The following ROBO1 variants were observed in gnomAD, a reference collection of about 807,000 sequenced individuals.
The protein encoded by ROBO1 is roundabout guidance receptor 1.
ROBO1 carries 149 observed loss-of-function variants against 195.9 expected under a neutral mutation model. The observed-to-expected ratio is 0.76, with a 90% confidence interval of 0.67 to 0.87. ROBO1 has a LOEUF of 0.87. Ranked by LOEUF, ROBO1 falls within the 40% of genes least tolerant of loss-of-function variation. ROBO1 has a pLI of 0.00. For synonymous variants in ROBO1, 816 were observed against 733.2 expected (o/e 1.11, Z -1.82); for missense variants, 1,933 against 2,068.3 (o/e 0.93, Z 1.27).
chr3:78,873,292 C>T (rs1311990934), intron 4 of ROBO1, among the ~76,000 whole-genome samples: 2 of 152,134 alleles, frequency 1.3e-5, no homozygotes, highest in Non-Finnish European at 2.9e-5. Context: ...CATTGTGCCA[C>T]TGTACTTGGA....
At chr3:79,382,228 A>G (rs1161712505) in intron 2 of ROBO1, among the ~76,000 whole-genome samples, 1 of 152,174 alleles carries the variant, frequency 6.6e-6, no homozygotes, top group Non-Finnish European at 1.5e-5. Context: ...ACTCTCAAAA[A>G]TAAACTTTAT....
Position 79,023,771 on chromosome 3 carries a change from C to T in ROBO1, c.173-84844G>A, listed in dbSNP as rs976313507. On this transcript the variant is annotated intron_variant, in intron 3 of 30. Transcript: ENST00000464233. ...ACGCTTGAGTGCAGTGGTGCGATCT[C>T]GGCTCACTGCAACCTCCGCCTCCCA... 3.0e-5 allele frequency among the ~76,000 whole-genome samples: 4 copies of T among 131,468 alleles called. No individual in the cohort carries two copies. In the South Asian group the frequency reaches 1.0e-3, roughly 34 times the overall value. The allele number at this position is 131,468 out of a possible 152,430, so 86.2% of individuals were successfully genotyped here. A position where few individuals can be genotyped will look rare whatever the true frequency, so the allele number is the denominator to read the frequency against.
intron 3 of ROBO1, among the ~76,000 whole-genome samples, chr3:79,019,749 C>G (rs1016573706): frequency 2.0e-5 from 3 of 152,126 alleles, no homozygotes; most frequent in East Asian, 3.9e-4. Context: ...AATGGAACCT[C>G]CCAGCCAAAG....
chr3:78,886,247 C>T (rs1321475335), intron 4 of ROBO1, among the ~76,000 whole-genome samples: 2 of 151,882 alleles, frequency 1.3e-5, no homozygotes, highest in African/African-American at 4.8e-5. Flanking sequence ...TACTTCGAGG[C>T]TTCTTAACTC....
At chr3:78,761,751 A>G (rs183818428) in intron 4 of ROBO1, among the ~76,000 whole-genome samples, 198 of 152,252 alleles carry the variant, frequency 1.3e-3, no homozygotes, top group African/African-American at 4.5e-3. Flanking sequence ...ATGCAAAATA[A>G]CTGGTTATTG....
chr3:78,678,236 T>C (rs1708561367), intron 10 of ROBO1, among the ~76,000 whole-genome samples: 1 of 150,416 alleles, frequency 6.6e-6, no homozygotes, highest in South Asian at 2.1e-4. Context: ...AGATCCAAAA[T>C]TGACACCCTA....
intron 2 of ROBO1, among the ~76,000 whole-genome samples, chr3:79,225,172 GA>G (rs909874961): frequency 4.6e-5 from 7 of 151,644 alleles, no homozygotes; most frequent in African/African-American, 1.5e-4. Flanking sequence ...CTTTGGGGGG[GA>G]AATAATAATA....
intron 2 of ROBO1, among the ~76,000 whole-genome samples, chr3:79,570,414 C>G (rs1394802998): frequency 1.3e-5 from 2 of 152,130 alleles, no homozygotes; most frequent in Non-Finnish European, 2.9e-5. Context: ...GAAGCACTCT[C>G]ACATCCTCAA....
chr3:78,939,997 A>G (rs1441184106), intron 3 of ROBO1, among the ~76,000 whole-genome samples: 1 of 152,164 alleles, frequency 6.6e-6, no homozygotes, highest in Admixed American at 6.5e-5. Context: ...AAAAACAGGA[A>G]TGATGTTTCA....
At chr3:78,740,465 T>C (rs1045717299) in intron 5 of ROBO1, among the ~76,000 whole-genome samples, 1 of 150,860 alleles carries the variant, frequency 6.6e-6, no homozygotes, top group Admixed American at 6.6e-5. Context: ...TTTCTTTCTT[T>C]CTTTCTTTCT....
At chr3:78,817,793 G>C (rs759156497) in intron 4 of ROBO1, among the ~76,000 whole-genome samples, 1 of 152,178 alleles carries the variant, frequency 6.6e-6, no homozygotes, top group Non-Finnish European at 1.5e-5. Context: ...ATTAGTCAGA[G>C]TTTCAATGGT....
chr3:79,543,387 C>T (rs1942148760), intron 2 of ROBO1, among the ~76,000 whole-genome samples: 1 of 151,884 alleles, frequency 6.6e-6, no homozygotes, highest in Non-Finnish European at 1.5e-5. Flanking sequence ...ATTTGTGTTG[C>T]CTTGCACAGG....
chr3:78,707,154 C>T (rs919633052), intron 8 of ROBO1, among the ~76,000 whole-genome samples: 9 of 152,234 alleles, frequency 5.9e-5, no homozygotes, highest in Non-Finnish European at 7.4e-5. Flanking sequence ...TCATAAACTG[C>T]GGTGTCCTAG....
intron 1 of ROBO1, among the ~76,000 whole-genome samples, chr3:79,697,978 T>A (rs574516613): frequency 6.6e-6 from 1 of 151,672 alleles, no homozygotes; most frequent in Non-Finnish European, 1.5e-5. Flanking sequence ...TAAAAAATGT[T>A]AGATTTTAAA....
intron 2 of ROBO1, among the ~76,000 whole-genome samples, chr3:79,331,428 A>G (rs553370526): frequency 1.9e-3 from 297 of 152,364 alleles, no homozygotes; most frequent in Non-Finnish European, 2.9e-3. Context: ...TATAAGTACA[A>G]TGTAATATTT....
At chr3:78,997,288 C>CT (rs909183694) in intron 3 of ROBO1, among the ~76,000 whole-genome samples, 21 of 152,100 alleles carry the variant, frequency 1.4e-4, no homozygotes, top group Non-Finnish European at 2.5e-4. Context: ...TGAAATACAT[C>CT]TTTTTTTATA....
chr3:79,509,042 G>A lies in ROBO1; in HGVS notation c.88+80782C>T, dbSNP rs189590016. Among the ~76,000 whole-genome samples the A allele has an allele frequency of 2.0e-5, 3 of 152,132 alleles. No homozygotes were observed. The East Asian group carries it at 5.8e-4, about 29-fold the overall frequency. Reference sequence around the variant, plus strand: ...GATAAGCATATTTGATGACACATTAGTAAGTCCTTAGCAAAAACAATTTTT... The same window carrying A: ...GATAAGCATATTTGATGACACATTAATAAGTCCTTAGCAAAAACAATTTTT... On this transcript the variant is annotated intron_variant, in intron 2 of 30. Transcript: ENST00000464233.
chr3:79,203,395 G>A (rs1022179578), intron 2 of ROBO1, among the ~76,000 whole-genome samples: 1 of 152,122 alleles, frequency 6.6e-6, no homozygotes, highest in African/African-American at 2.4e-5. Context: ...CCAGGATAGG[G>A]TTTATCTCTA....
At chr3:78,834,439 T>C (rs866472013) in intron 4 of ROBO1, among the ~76,000 whole-genome samples, 2 of 149,042 alleles carry the variant, frequency 1.3e-5, no homozygotes, top group African/African-American at 5.0e-5. Context: ...TAAATACAAA[T>C]ATTAGAGCAG....
Sources: allele counts gnomAD v4.1 joint callset (sites outside exome capture counted in the v4.1 genomes callset), GRCh38; gene constraint gnomAD v4.1.1; transcripts MANE v1.5; gene names NCBI Gene and HGNC (gene_info 2026-07-23, HGNC 2026-07-21).